Variants in NFIB observed in about 807,000 individuals in gnomAD.
NFIB encodes nuclear factor 1 B-type.
Under a neutral mutation model 61.5 loss-of-function variants are expected in NFIB, and 11 were observed. That is an observed-to-expected ratio of 0.18 (90% CI 0.11 to 0.30). The LOEUF (loss-of-function observed/expected upper bound fraction) is 0.30, where lower values mean the gene tolerates loss of function less well. Ranked by LOEUF, NFIB falls within the 10% of genes least tolerant of loss-of-function variation. NFIB has a pLI of 1.00. For synonymous variants in NFIB, 260 were observed against 216.5 expected (o/e 1.20, Z -1.76); for missense variants, 471 against 608.9 (o/e 0.77, Z 2.38).
chr9:14,452,683 T>C, the NFIB span, among the ~76,000 whole-genome samples: 2 of 152,200 alleles, frequency 1.3e-5, no homozygotes, highest in Admixed American at 6.5e-5. Flanking sequence ...TGTCTGCTCC[T>C]GAAGAGGAGT....
intron 6 of NFIB, among the ~76,000 whole-genome samples, chr9:14,128,590 T>A (rs1378017860): frequency 6.7e-6 from 1 of 149,608 alleles, no homozygotes. Context: ...CCTAGCTACT[T>A]GGGAGGCTGA....
chr9:14,225,170 T>C (rs1008503168), intron 2 of NFIB, among the ~76,000 whole-genome samples: 2 of 152,134 alleles, frequency 1.3e-5, no homozygotes, highest in Admixed American at 6.5e-5. Flanking sequence ...AGGTATTATT[T>C]AGAACAAAAA....
intron 9 of NFIB, among the ~76,000 whole-genome samples, chr9:14,114,635 T>C (rs752829821): frequency 2.8e-4 from 42 of 152,216 alleles, no homozygotes; most frequent in Non-Finnish European, 5.6e-4. Context: ...AGATCCCTTT[T>C]TGAACAACCT....
chr9:14,204,714 T>A, intron 2 of NFIB: 1 of 602,218 alleles, frequency 1.7e-6, no homozygotes, highest in Non-Finnish European at 3.0e-6. Context: ...TTGGTGGTGA[T>A]TGCATACAAC....
chr9:14,480,075 T>A, the NFIB span, among the ~76,000 whole-genome samples: 1 of 151,938 alleles, frequency 6.6e-6, no homozygotes, highest in East Asian at 1.9e-4. Flanking sequence ...ATTGCAGAGA[T>A]AATCAAAGGT....
At chr9:14,249,851 G>A (rs1014042045) in intron 2 of NFIB, among the ~76,000 whole-genome samples, 1 of 152,112 alleles carries the variant, frequency 6.6e-6, no homozygotes, top group South Asian at 2.1e-4. Context: ...GCAATAGACA[G>A]TGGTGACACT....
rs778642357 is a variant in NFIB, at chr9:14,307,347, G to T, written c.204C>A (p.Ile68=). The T allele has an allele frequency of 1.2e-6, 2 of 1,614,000 alleles. No individual in the cohort carries two copies. The highest frequency in any genetic ancestry group is 1.1e-5 in the South Asian group (1 of 91,064). ...GGAGCCTGGATGCCCACTTCTGTTT[G>T]ATTTCAGGCTTTTCACTGAGAAGCT... The part of the protein sequence containing the change: ...KDELLSEKPE[I]KQKWASRLLA... Residue 68 remains isoleucine, a synonymous_variant, in exon 2 of 11, where the codon ATC becomes ATA. Transcript: ENST00000380953. This position sits in a 1 kb window ranked among gnomAD's most constrained non-coding sequence, Gnocchi z 5.3.
At chr9:14,239,772 T>C (rs1394400505) in intron 2 of NFIB, among the ~76,000 whole-genome samples, 2 of 152,130 alleles carry the variant, frequency 1.3e-5, no homozygotes, top group Non-Finnish European at 2.9e-5. Flanking sequence ...ATTTTCAGAA[T>C]ATTGGAGGAA....
At chr9:14,194,961 C>G (rs2048321044) in intron 2 of NFIB, among the ~76,000 whole-genome samples, 5 of 152,106 alleles carry the variant, frequency 3.3e-5, no homozygotes, top group Admixed American at 3.3e-4. Context: ...CATTCTCTCT[C>G]TCTCTCTCTT....
intron 2 of NFIB, among the ~76,000 whole-genome samples, chr9:14,252,916 A>G (rs1314950876): frequency 6.7e-6 from 1 of 149,334 alleles, no homozygotes; most frequent in Non-Finnish European, 1.5e-5. Context: ...TACAGTAAGA[A>G]AAGACTGGTG....
At chr9:14,251,636 C>A (rs59762717) in intron 2 of NFIB, among the ~76,000 whole-genome samples, 1 of 152,202 alleles carries the variant, frequency 6.6e-6, no homozygotes, top group African/African-American at 2.4e-5. Context: ...CACATACACA[C>A]CAAGGCTCTG....
chr9:14,400,921 G>A (rs1043803251), upstream of NFIB, among the ~76,000 whole-genome samples: 2 of 152,168 alleles, frequency 1.3e-5, no homozygotes, highest in Non-Finnish European at 2.9e-5. Context: ...AGCCACTTCC[G>A]AAGTAGCCAA....
intron 3 of NFIB, among the ~76,000 whole-genome samples, chr9:14,171,004 A>G (rs571494584): frequency 1.3e-5 from 2 of 152,330 alleles, no homozygotes; most frequent in East Asian, 3.9e-4. Flanking sequence ...ATACCGTTGT[A>G]AAGTTAAGGA....
At position 14,125,671 on chromosome 9, in the gene NFIB, G is replaced by C. The variant is rs757734694; in HGVS notation, c.1021C>G (p.Gln341Glu). 6.2e-7 allele frequency: 1 copy of C among 1,614,148 alleles called. No homozygotes were observed. The highest frequency in any genetic ancestry group is 8.5e-7 in the Non-Finnish European group (1 of 1,180,014). Reference protein sequence around the residue: ...DSSPRLSTFPQHHHPGIPGVA... With the variant: ...DSSPRLSTFPEHHHPGIPGVA... ...CCAGGTATTCCGGGATGGTGGTGCT[G>C]GGGGAAAGTGCTCAGTCTTGGGGAA... is the stretch of plus-strand genomic sequence containing the variant. The change falls in exon 7 of 11, where the codon CAG (glutamine) becomes GAG (glutamate). Residue 341 changes from glutamine (Q) to glutamate (E), a missense_variant. Around this residue, in one of 2 missense-constraint regions of NFIB, gnomAD observed 372 missense variants for 395.6 expected, o/e 0.94. Coordinates refer to ENST00000380953, the MANE Select transcript of NFIB (RefSeq NM_001190737.2).
chr9:14,519,589 A>G, the NFIB span, among the ~76,000 whole-genome samples: 3 of 152,054 alleles, frequency 2.0e-5, no homozygotes, highest in Non-Finnish European at 4.4e-5. Context: ...TCTTATTTGT[A>G]TACTTTATAC....
At chr9:14,112,167 A>G (rs1173653433) in intron 10 of NFIB, among the ~76,000 whole-genome samples, 1 of 152,220 alleles carries the variant, frequency 6.6e-6, no homozygotes, top group Non-Finnish European at 1.5e-5. Flanking sequence ...TTAATTTCAA[A>G]CTGCTCTGCT....
At chr9:14,187,124 C>T (rs537080185) in intron 2 of NFIB, among the ~76,000 whole-genome samples, 2 of 151,532 alleles carry the variant, frequency 1.3e-5, no homozygotes, top group Admixed American at 1.3e-4. Context: ...CTCTCTGTCT[C>T]TTTTCAATAG....
At chr9:14,421,774 A>G in the NFIB span, among the ~76,000 whole-genome samples, 1 of 152,200 alleles carries the variant, frequency 6.6e-6, no homozygotes, top group African/African-American at 2.4e-5. Flanking sequence ...ATTTTCAATG[A>G]AAGTGCATAT....
intron 6 of NFIB, among the ~76,000 whole-genome samples, chr9:14,130,935 G>A (rs1008888969): frequency 6.6e-6 from 1 of 152,108 alleles, no homozygotes; most frequent in African/African-American, 2.4e-5. Flanking sequence ...TAAGTGTGAG[G>A]AACTATGGCT....
Sources: gnomAD v4.1 joint callset for allele counts (sites outside exome capture counted in the v4.1 genomes callset) on GRCh38, gnomAD v4.1.1 for gene constraint, gnomAD v4.1.1 regional missense constraint, Gnocchi (gnomAD v3.1) non-coding constraint, MANE v1.5 for transcripts, NCBI Gene and HGNC (gene_info 2026-07-23, HGNC 2026-07-21) for gene names.